SLC8B1: variants seen among roughly 807,000 people sequenced by gnomAD.
SLC8B1 encodes the protein mitochondrial sodium/calcium exchanger protein.
In SLC8B1, 52 loss-of-function variants were observed where a neutral mutation model predicts 63.4. The ratio of observed to expected loss-of-function variants is 0.82; its 90% confidence interval spans 0.66 to 1.03. The LOEUF (loss-of-function observed/expected upper bound fraction) is 1.03, where lower values mean the gene tolerates loss of function less well. Among genes scored for constraint, SLC8B1 ranks in the 50% least tolerant of loss-of-function variants. SLC8B1 has a pLI of 0.00. For synonymous variants in SLC8B1, 336 were observed against 323.9 expected, an observed-to-expected ratio of 1.04 and a Z score of -0.40; for missense variants, 657 against 741.7, an observed-to-expected ratio of 0.89 and a Z score of 1.33.
rs370088334 is a variant in SLC8B1 at position 113,316,985 on chromosome 12, G to A, written c.819C>T (p.Ser273=). ...MPVTPEILSD[S]EEDRVSSNTN... The stretch of plus-strand genomic sequence containing the variant: ...TATTAGAAGATACCCGGTCCTCCTC[G>A]GAGTCTGAGAGGATCTCTGCAGGAG... The change falls in exon 9 of 16, where the codon TCC becomes TCT. Residue 273 remains serine, a synonymous_variant. Transcript: ENST00000680972. The A allele has an allele frequency of 1.3e-5, 21 of 1,613,014 alleles. No individual in the cohort carries two copies. The highest frequency in any genetic ancestry group is 1.6e-4 in the Middle Eastern group (1 of 6,084).
At chr12:113,321,794 ATATT>A (rs1357020483) in intron 2 of SLC8B1, among the ~76,000 whole-genome samples, 2 of 150,750 alleles carry the variant, frequency 1.3e-5, no homozygotes, top group Non-Finnish European at 3.0e-5. Context: ...ATATATATAT[ATATT>A]AATATACCTT....
intron 11 of SLC8B1, among the ~76,000 whole-genome samples, chr12:113,313,442 G>C (rs1331395577): frequency 6.6e-6 from 1 of 152,090 alleles, no homozygotes; most frequent in East Asian, 1.9e-4. Flanking sequence ...GCTGATTTAA[G>C]AAAAATATCA....
chr12:113,310,893 A>G (rs899788413), intron 11 of SLC8B1, among the ~76,000 whole-genome samples: 1 of 152,240 alleles, frequency 6.6e-6, no homozygotes, highest in African/African-American at 2.4e-5. Flanking sequence ...CACCCTTTTC[A>G]CCACTAGGAG....
chr12:113,327,974 G>A (rs1410018488), intron 2 of SLC8B1, among the ~76,000 whole-genome samples: 6 of 111,774 alleles, frequency 5.4e-5, no homozygotes, highest in Non-Finnish European at 7.6e-5. Context: ...GCGAAACTAC[G>A]TCTCCAAAAA....
At chr12:113,328,188 G>A (rs1036900569) in intron 2 of SLC8B1, among the ~76,000 whole-genome samples, 1 of 151,884 alleles carries the variant, frequency 6.6e-6, no homozygotes, top group Non-Finnish European at 1.5e-5. Context: ...CGCATCACAC[G>A]AGGCTAATTT....
intron 2 of SLC8B1, among the ~76,000 whole-genome samples, chr12:113,325,603 C>T (rs868599993): frequency 7.6e-5 from 11 of 145,326 alleles, no homozygotes; most frequent in Middle Eastern, 8.1e-3. Flanking sequence ...CTCGCTCTTT[C>T]GCCCAGGCCA....
intron 15 of SLC8B1, among the ~76,000 whole-genome samples, chr12:113,303,300 G>T (rs2136822368): frequency 6.6e-6 from 1 of 152,294 alleles, no homozygotes. Context: ...TTTCAGAAAA[G>T]AAAATTTCAA....
intron 15 of SLC8B1, among the ~76,000 whole-genome samples, chr12:113,300,255 ATCACCTGAGGTCAGGAGT>A (rs1181293128): frequency 6.6e-6 from 1 of 152,214 alleles, no homozygotes; most frequent in African/African-American, 2.4e-5. Context: ...AGGCAGGTGG[ATCACCTGAGGTCAGGAGT>A]TCGACCTGTA....
Position 113,307,788 on chromosome 12 carries a change from T to C in SLC8B1, c.1314A>G (p.Thr438=), listed in dbSNP as rs780300686. 1.7e-5 allele frequency: 27 copies of C among 1,613,654 alleles called. No individual in the cohort carries two copies. Among genetic ancestry groups the C allele is most frequent in the Admixed American group, 3.3e-5 (2 of 59,996 alleles). The change falls in exon 13 of 16, where the codon ACA becomes ACG. Residue 438 remains threonine (T), a synonymous_variant. Transcript: ENST00000680972. ...GGGACCGCAAGATGTTCACCACCTCTGTGGCGGCCGCGTTGATCCACAGGG... is the reference window on the plus strand; with the variant it reads ...GGGACCGCAAGATGTTCACCACCTCCGTGGCGGCCGCGTTGATCCACAGGG... ...TSALWINAAA[T]EVVNILRSLG... is the part of the protein sequence containing the mutation.
intron 7 of SLC8B1, 152 bp from the exon 8 acceptor site, chr12:113,319,223 C>T: frequency 1.6e-6 from 1 of 621,260 alleles, no homozygotes; most frequent in South Asian, 1.8e-5. Context: ...TCCTTGAGCT[C>T]CCCACTCCTT....
In SLC8B1 at chr12:113,326,199, A is replaced by T. The variant is rs147614091; in HGVS notation, c.157-4851T>A. ...ATATAAAACTCAAGTTTCCATTTCC[A>T]TAAATATTTACTGGGGCACAGCCAC... On this transcript the variant is annotated intron_variant, in intron 2 of 15. Transcript: ENST00000680972. Among the ~76,000 whole-genome samples, 1,164 of 152,314 alleles carry T rather than the reference A, an allele frequency of 7.6e-3. 15 individuals carry two copies. Among genetic ancestry groups the T allele is most frequent in the Middle Eastern group, 0.068 (20 of 294 alleles).
rs774251856 is a variant in SLC8B1 at position 113,321,292 on chromosome 12, G to T, written c.213C>A (p.Asn71Lys). 5.2e-5 allele frequency: 84 copies of T among 1,614,140 alleles called. 2 individuals carry two copies. The South Asian group carries it at 9.1e-4, about 18-fold the overall frequency. Reference sequence around the variant, plus strand: ...ACCCCCCATCACTGTGGCAGTCAGGGTTGGTCCGGATGAAGTCACAGCGGT... The same window carrying T: ...ACCCCCCATCACTGTGGCAGTCAGGTTTGGTCCGGATGAAGTCACAGCGGT... The part of the protein sequence containing the change: ...VSDRCDFIRT[N>K]PDCHSDGGYL... Residue 71 changes from asparagine to lysine, a missense_variant, in exon 3 of 16, where the codon AAC becomes AAA. By Grantham distance (94) the Asn-to-Lys change is moderately conservative. Transcript: ENST00000680972.
chr12:113,302,680 A>T, intron 15 of SLC8B1: 2 of 456,146 alleles, frequency 4.4e-6, no homozygotes, highest in South Asian at 3.1e-5. Context: ...TCGTCTTCCC[A>T]GCCACCTGCA....
chr12:113,327,283 C>A (rs1957007213), intron 2 of SLC8B1, among the ~76,000 whole-genome samples: 1 of 152,164 alleles, frequency 6.6e-6, no homozygotes, highest in African/African-American at 2.4e-5. Flanking sequence ...GAGCCCTCCT[C>A]TCTCATGAAA....
Position 113,321,099 on chromosome 12 carries a change from G to T in SLC8B1, c.319C>A (p.Leu107Met). 1 of 1,614,024 alleles carries T rather than the reference G, an allele frequency of 6.2e-7. No homozygotes were observed. Among genetic ancestry groups the T allele is most frequent in the East Asian group, 2.2e-5 (1 of 44,872 alleles). ...PLAVTLYVSW[L>M]LYLFLILGVT... Reference sequence around the variant, plus strand: ...CCCAGAATCAGAAACAGGTAGAGCAGCCAGGAAACCTGGGTGGGGAGCGGG... The same window carrying T: ...CCCAGAATCAGAAACAGGTAGAGCATCCAGGAAACCTGGGTGGGGAGCGGG... Residue 107 changes from leucine to methionine, a missense_variant, in exon 4 of 16, where the codon CTG (leucine) becomes ATG (methionine). By Grantham distance (15) the Leu-to-Met change is conservative. Coordinates refer to ENST00000680972, the MANE Select transcript of SLC8B1 (RefSeq NM_001358345.2).
At chr12:113,329,690 G>GTC (rs1957035161) in intron 2 of SLC8B1, among the ~76,000 whole-genome samples, 1 of 152,128 alleles carries the variant, frequency 6.6e-6, no homozygotes, top group Non-Finnish European at 1.5e-5. Context: ...TCTTTCCTAT[G>GTC]TCACTAACTC....
At chr12:113,306,471 C>T (rs770101098) in intron 14 of SLC8B1, 24 bp downstream of exon 14, 5 of 1,595,898 alleles carry the variant, frequency 3.1e-6, no homozygotes, top group Non-Finnish European at 4.3e-6. Context: ...AGTGCTAAGG[C>T]CAAGAACAGA....
chr12:113,320,406 C>T lies in SLC8B1; in HGVS notation c.619G>A (p.Val207Ile), dbSNP rs375767277. ...AASRPFFRDI[V>I]FYMVAVFLTF... The stretch of plus-strand genomic sequence containing the variant: ...AGGAACACAGCCACCATGTAGAAAA[C>T]GATGTCCCTGAAGAAGGGCCTGGAG... Residue 207 changes from valine (V) to isoleucine (I), a missense_variant, in exon 7 of 16, where the codon GTT becomes ATT. Coordinates refer to ENST00000680972, the MANE Select transcript of SLC8B1 (RefSeq NM_001358345.2). The surrounding 1 kb of genome is among the most constrained non-coding windows in gnomAD (Gnocchi z 5.3). 8 of 1,614,170 alleles carry T rather than the reference C, an allele frequency of 5.0e-6. No individual in the cohort carries two copies. In the African/African-American group the frequency reaches 5.3e-5, roughly 11 times the overall value.
intron 11 of SLC8B1, among the ~76,000 whole-genome samples, chr12:113,313,954 G>A (rs1956797675): frequency 6.6e-6 from 1 of 152,156 alleles, no homozygotes; most frequent in African/African-American, 2.4e-5. Flanking sequence ...AGGTTGCAGT[G>A]AGCTGAGATC....
Sources: gnomAD v4.1 joint callset for allele counts (sites outside exome capture counted in the v4.1 genomes callset) on GRCh38, gnomAD v4.1.1 for gene constraint, Gnocchi (gnomAD v3.1) non-coding constraint, MANE v1.5 for transcripts, NCBI Gene and HGNC (gene_info 2026-07-23, HGNC 2026-07-21) for gene names.